Variants in GALNT13 observed in about 807,000 individuals in gnomAD.
The protein encoded by GALNT13 is UDP-GalNAc:polypeptide N-acetylgalactosaminyltransferase 13.
Under a neutral mutation model 64.2 loss-of-function variants are expected in GALNT13, and 28 were observed. The observed-to-expected ratio is 0.44, with a 90% CI of 0.32 to 0.60. The LOEUF (loss-of-function observed/expected upper bound fraction) is 0.60, where lower values mean the gene tolerates loss of function less well. Ranked by LOEUF, GALNT13 falls within the 20% of genes least tolerant of loss-of-function variation. GALNT13 has a pLI of 0.05. For synonymous variants in GALNT13, 214 were observed against 224.6 expected (o/e 0.95, Z 0.42); for missense variants, 577 against 669.8 (o/e 0.86, Z 1.53).
chr2:153,814,827 A>G, the GALNT13 span, among the ~76,000 whole-genome samples: 2 of 152,226 alleles, frequency 1.3e-5, no homozygotes, highest in Admixed American at 1.3e-4. Flanking sequence ...TTTGATATAT[A>G]CATGTATTAT....
the GALNT13 span, among the ~76,000 whole-genome samples, chr2:153,381,697 A>T: frequency 6.6e-6 from 1 of 152,080 alleles, no homozygotes; most frequent in African/African-American, 2.4e-5. Context: ...AGAAAAGAAA[A>T]ACAGATGAAC....
chr2:153,503,615 AT>A, the GALNT13 span, among the ~76,000 whole-genome samples: 2 of 151,796 alleles, frequency 1.3e-5, no homozygotes, highest in Non-Finnish European at 2.9e-5. Flanking sequence ...TAATTTTTGT[AT>A]TTTTAGTAGA....
intron 3 of GALNT13, among the ~76,000 whole-genome samples, chr2:154,111,383 C>T (rs1417811959): frequency 6.6e-6 from 1 of 152,176 alleles, no homozygotes; most frequent in Non-Finnish European, 1.5e-5. Flanking sequence ...TTCCTTACCT[C>T]TGTTGTAGAG....
intron 9 of GALNT13, among the ~76,000 whole-genome samples, chr2:154,304,375 A>C (rs1289593667): frequency 6.6e-6 from 1 of 152,210 alleles, no homozygotes; most frequent in Non-Finnish European, 1.5e-5. Flanking sequence ...TTTTGATGAT[A>C]CTTTTTGAAT....
At chr2:153,587,981 C>T in the GALNT13 span, among the ~76,000 whole-genome samples, 1 of 152,198 alleles carries the variant, frequency 6.6e-6, no homozygotes, top group African/African-American at 2.4e-5. Flanking sequence ...GCTACAGGCC[C>T]CATGCAAGTC....
the GALNT13 span, among the ~76,000 whole-genome samples, chr2:153,287,614 C>A: frequency 6.6e-6 from 1 of 152,070 alleles, no homozygotes. Context: ...CTCCGACCAC[C>A]CCCAGCGGAA....
chr2:154,108,154 G>GTT (rs901588561), intron 3 of GALNT13, among the ~76,000 whole-genome samples: 1 of 147,766 alleles, frequency 6.8e-6, no homozygotes, highest in African/African-American at 2.5e-5. Context: ...CTATTTTTTG[G>GTT]TTTTTTTTTT....
chr2:153,720,370 G>A, the GALNT13 span, among the ~76,000 whole-genome samples: 8 of 150,684 alleles, frequency 5.3e-5, no homozygotes, highest in South Asian at 2.1e-4. Context: ...AAAAAACAGA[G>A]CAGAAAAACT....
At chr2:154,211,918 A>T (rs1250602949) in intron 4 of GALNT13, among the ~76,000 whole-genome samples, 1 of 152,058 alleles carries the variant, frequency 6.6e-6, no homozygotes, top group African/African-American at 2.4e-5. Context: ...CTAAGAAGAA[A>T]TGAGGGTAGG....
the GALNT13 span, among the ~76,000 whole-genome samples, chr2:153,368,696 G>A: frequency 6.6e-6 from 1 of 152,062 alleles, no homozygotes; most frequent in Non-Finnish European, 1.5e-5. Context: ...AAAGCTGAGA[G>A]GTGAAATAAA....
the GALNT13 span, among the ~76,000 whole-genome samples, chr2:153,076,347 T>A: frequency 1.3e-5 from 2 of 152,322 alleles, no homozygotes; most frequent in South Asian, 2.1e-4. Flanking sequence ...TCTCTACATT[T>A]AGGATACTGA....
chr2:154,269,906 G>GTGTA lies in GALNT13; in HGVS notation c.975+10769_975+10770insGTAT, dbSNP rs529424469. ...GTCATATATATATTTATATATATGTGTATATATATATATATATATTTCTAA... is the reference window on the plus strand; with the variant it reads ...GTCATATATATATTTATATATATGTGTGTATATATATATATATATATATTTCTAA... On this transcript the variant is annotated intron_variant, in intron 8 of 12. Coordinates refer to ENST00000392825, the MANE Select transcript of GALNT13 (RefSeq NM_052917.4). Among the ~76,000 whole-genome samples, 16 of 96,852 alleles carry GTGTA rather than the reference G, an allele frequency of 1.7e-4. 2 individuals carry two copies. The highest frequency in any genetic ancestry group is 5.1e-4 in the Admixed American group (4 of 7,868). The allele number at this position is 96,852 out of a possible 152,430, so 63.5% of individuals were successfully genotyped here. A position where few individuals can be genotyped will look rare whatever the true frequency, so the allele number is the denominator to read the frequency against.
chr2:154,213,018 G>C (rs1687862374), intron 4 of GALNT13, among the ~76,000 whole-genome samples: 1 of 152,134 alleles, frequency 6.6e-6, no homozygotes, highest in African/African-American at 2.4e-5. Context: ...ATCACTTTTA[G>C]AATTTGACTT....
intron 4 of GALNT13, among the ~76,000 whole-genome samples, chr2:154,146,778 A>G (rs555092570): frequency 2.9e-4 from 43 of 149,664 alleles, no homozygotes; most frequent in African/African-American, 1.0e-3. Context: ...TTTATTATCC[A>G]TTAGTTTCCC....
At chr2:153,871,707 A>G (rs1328723624), upstream of GALNT13, among the ~76,000 whole-genome samples, 1 of 152,196 alleles carries the variant, frequency 6.6e-6, no homozygotes, top group African/African-American at 2.4e-5. Flanking sequence ...CGCCAGCTCC[A>G]GAAGCAGCTG....
chr2:153,718,233 C>T, the GALNT13 span, among the ~76,000 whole-genome samples: 1 of 152,042 alleles, frequency 6.6e-6, no homozygotes, highest in South Asian at 2.1e-4. Context: ...AGAGACGAAA[C>T]TGTTTGTTAA....
At chr2:153,403,359 C>A in the GALNT13 span, among the ~76,000 whole-genome samples, 1 of 152,098 alleles carries the variant, frequency 6.6e-6, no homozygotes, top group Non-Finnish European at 1.5e-5. Context: ...TTTAAGTCTG[C>A]AGAAGTTACT....
At chr2:153,967,832 C>G (rs1693475927) in intron 3 of GALNT13, among the ~76,000 whole-genome samples, 1 of 152,132 alleles carries the variant, frequency 6.6e-6, no homozygotes, top group African/African-American at 2.4e-5. Flanking sequence ...CTTGGTCCAA[C>G]CTGTCAGTGC....
chr2:153,552,742 C>T, the GALNT13 span, among the ~76,000 whole-genome samples: 1 of 152,024 alleles, frequency 6.6e-6, no homozygotes, highest in South Asian at 2.1e-4. Flanking sequence ...GGACCAGTTT[C>T]ATGGAAGACA....
Sources: allele counts gnomAD v4.1 joint callset (sites outside exome capture counted in the v4.1 genomes callset), GRCh38; gene constraint gnomAD v4.1.1; transcripts MANE v1.5; gene names NCBI Gene and HGNC (gene_info 2026-07-23, HGNC 2026-07-21).